The following PRKCA variants were observed in gnomAD, a reference collection of about 807,000 sequenced individuals.
PRKCA encodes protein kinase C alpha, also known as protein kinase C alpha type.
In PRKCA, 27 loss-of-function variants were observed where a neutral mutation model predicts 87.0. The ratio of observed to expected loss-of-function variants is 0.31; its 90% CI spans 0.23 to 0.43. PRKCA has a LOEUF of 0.43. PRKCA is among the 20% of genes least tolerant of loss of function. The probability of loss-of-function intolerance (pLI) is 1.00; values close to 1 mark genes in which losing one functional copy is unlikely to be tolerated. For missense variants in PRKCA, 518 were observed against 852.3 expected (o/e 0.61, Z 4.88); for synonymous variants, 329 against 311.1 (o/e 1.06, Z -0.61).
At position 66,332,256 on chromosome 17, in the gene PRKCA, C is replaced by G. The variant is rs368996830; in HGVS notation, c.205+26129C>G. On this transcript the variant is annotated intron_variant, in intron 2 of 16. Transcript: ENST00000413366. ...TTTTTTTTTTTTTTTTAAACAGAGT[C>G]TTACTCTGTTGCCCAGGCTGGAGTG... Among the ~76,000 whole-genome samples, 96 of 131,036 alleles carry G rather than the reference C, an allele frequency of 7.3e-4. No homozygotes were observed. The East Asian group carries it at 0.017, about 23-fold the overall frequency. 86.0% of individuals were successfully genotyped at this position (131,036 alleles called of 152,430 possible). A position where few individuals can be genotyped will look rare whatever the true frequency, so the allele number is the denominator to read the frequency against.
At chr17:66,474,565 T>C (rs539237276) in intron 2 of PRKCA, among the ~76,000 whole-genome samples, 2 of 152,308 alleles carry the variant, frequency 1.3e-5, no homozygotes, top group Admixed American at 1.3e-4. Context: ...GGACCAAGTT[T>C]GCTGCTTCAA....
intron 13 of PRKCA, among the ~76,000 whole-genome samples, chr17:66,747,780 A>T (rs1974328892): frequency 6.6e-6 from 1 of 152,246 alleles, no homozygotes; most frequent in African/African-American, 2.4e-5. Flanking sequence ...GCAGAATTGC[A>T]TTCCAGCTGT....
intron 14 of PRKCA, among the ~76,000 whole-genome samples, chr17:66,784,282 G>C (rs1467806786): frequency 6.6e-6 from 1 of 152,028 alleles, no homozygotes; most frequent in African/African-American, 2.4e-5. Flanking sequence ...GTCTTGCTCT[G>C]TCTCCCAGGC....
At chr17:66,694,144 G>A (rs1972856433) in intron 8 of PRKCA, among the ~76,000 whole-genome samples, 1 of 152,088 alleles carries the variant, frequency 6.6e-6, no homozygotes, top group Non-Finnish European at 1.5e-5. Flanking sequence ...TCGATTCAAT[G>A]GTTTGATGTT....
intron 3 of PRKCA, among the ~76,000 whole-genome samples, chr17:66,625,452 C>A (rs1970826299): frequency 6.6e-6 from 1 of 152,178 alleles, no homozygotes; most frequent in African/African-American, 2.4e-5. Flanking sequence ...TTCTATTCCC[C>A]TCTAGTGGAA....
intron 3 of PRKCA, among the ~76,000 whole-genome samples, chr17:66,560,993 C>CCTTT (rs1266115506): frequency 6.6e-6 from 1 of 152,178 alleles, no homozygotes; most frequent in Non-Finnish European, 1.5e-5. Context: ...TTCCCTGGAA[C>CCTTT]CTTTCCATTT....
At chr17:66,777,073 G>A (rs1376077515) in intron 14 of PRKCA, 4 of 262,450 alleles carry the variant, frequency 1.5e-5, no homozygotes, top group African/African-American at 2.3e-5. Flanking sequence ...CCTTTCCTTG[G>A]TGCTGGCTGC....
chr17:66,678,626 T>C (rs962105367), intron 5 of PRKCA, among the ~76,000 whole-genome samples: 1 of 151,800 alleles, frequency 6.6e-6, no homozygotes, highest in Non-Finnish European at 1.5e-5. Flanking sequence ...CTTACTTTTT[T>C]GTTTCCTCCT....
intron 3 of PRKCA, among the ~76,000 whole-genome samples, chr17:66,630,841 C>T (rs550864662): frequency 8.5e-5 from 13 of 152,264 alleles, no homozygotes; most frequent in Admixed American, 7.8e-4. Flanking sequence ...TGGCTCTTTA[C>T]CAAATAATAT....
At chr17:66,587,786 TATACATATATAC>T (rs1969653347) in intron 3 of PRKCA, among the ~76,000 whole-genome samples, 2 of 111,770 alleles carry the variant, frequency 1.8e-5, no homozygotes, top group Non-Finnish European at 3.8e-5. Flanking sequence ...TGTGTATATG[TATACATATATAC>T]GTATATGTGT....
chr17:66,687,742 A>G (rs1384686004), intron 6 of PRKCA, among the ~76,000 whole-genome samples: 1 of 152,196 alleles, frequency 6.6e-6, no homozygotes, highest in Admixed American at 6.5e-5. Flanking sequence ...AAAAGGTGAC[A>G]TTTAAAGCCA....
chr17:66,724,404 G>C (rs1973690917), intron 8 of PRKCA, among the ~76,000 whole-genome samples: 1 of 152,148 alleles, frequency 6.6e-6, no homozygotes, highest in Admixed American at 6.5e-5. Context: ...GAGAGCCATG[G>C]GGGTCTCCAG....
Position 66,708,934 on chromosome 17 carries a change from A to G in PRKCA, c.918+19887A>G, listed in dbSNP as rs554353253. On this transcript the variant is annotated intron_variant, in intron 8 of 16. Transcript: ENST00000413366. ...AAAATGGCCTATTTTAGGAACAATC[A>G]TAAATGGATTTGTGATTACTGACTT... 1.8e-3 allele frequency among the ~76,000 whole-genome samples: 281 copies of G among 152,374 alleles called. 1 individual carries two copies. The highest frequency in any genetic ancestry group is 6.3e-3 in the African/African-American group (264 of 41,596).
At chr17:66,319,765 A>G (rs1022181963) in intron 2 of PRKCA, among the ~76,000 whole-genome samples, 3 of 151,694 alleles carry the variant, frequency 2.0e-5, no homozygotes. Flanking sequence ...TATTTGAGAC[A>G]GAGTCTTGCT....
chr17:66,646,459 C>G (rs552668884), intron 5 of PRKCA, among the ~76,000 whole-genome samples: 44 of 274 alleles, frequency 0.16, no homozygotes, highest in African/African-American at 0.29. Flanking sequence ...TTTCCTTGCA[C>G]TTGGGGTCCC....
intron 3 of PRKCA, among the ~76,000 whole-genome samples, chr17:66,614,264 T>C (rs1200551375): frequency 6.6e-6 from 1 of 152,204 alleles, no homozygotes; most frequent in East Asian, 1.9e-4. Flanking sequence ...TAGATTTTCA[T>C]GTATGCTACC....
intron 2 of PRKCA, among the ~76,000 whole-genome samples, chr17:66,493,670 A>G (rs113599048): frequency 0.023 from 3,497 of 152,124 alleles, 129 homozygotes; most frequent in African/African-American, 0.08. Flanking sequence ...ATATTGCAGC[A>G]TATTAAGGAG....
intron 13 of PRKCA, among the ~76,000 whole-genome samples, chr17:66,764,451 G>T (rs1425972712): frequency 1.3e-5 from 2 of 152,186 alleles, no homozygotes; most frequent in Non-Finnish European, 2.9e-5. Flanking sequence ...TACAAGACAA[G>T]AAGCTACCCC....
At chr17:66,587,831 G>A (rs57472045) in intron 3 of PRKCA, among the ~76,000 whole-genome samples, 2 of 115,558 alleles carry the variant, frequency 1.7e-5, no homozygotes, top group Non-Finnish European at 3.8e-5. Flanking sequence ...ACATATATAC[G>A]TATATGTGTG....
Sources: allele counts gnomAD v4.1 joint callset (sites outside exome capture counted in the v4.1 genomes callset), GRCh38; gene constraint gnomAD v4.1.1; transcripts MANE v1.5; gene names NCBI Gene and HGNC (gene_info 2026-07-23, HGNC 2026-07-21).